Variants in ZNF551 observed in about 807,000 individuals in gnomAD.
The protein encoded by ZNF551 is KOX 23 protein (56 AA).
ZNF551 carries 5 observed loss-of-function variants against 7.9 expected under a neutral mutation model. That is an observed-to-expected ratio of 0.63 (90% CI 0.33 to 1.33). The LOEUF (loss-of-function observed/expected upper bound fraction) is 1.33, where lower values mean the gene tolerates loss of function less well. Ranked by LOEUF, ZNF551 falls within the 40% of genes most tolerant of loss-of-function variation. The probability of loss-of-function intolerance (pLI) is 0.05; values close to 1 mark genes in which losing one functional copy is unlikely to be tolerated. For synonymous variants in ZNF551, 287 were observed against 277.3 expected, an observed-to-expected ratio of 1.03 and a Z score of -0.35; for missense variants, 788 against 825.2, an observed-to-expected ratio of 0.95 and a Z score of 0.55.
rs767545385 is a variant in ZNF551, at chr19:57,687,454, CTG to C, written c.1182_1183del (p.Cys394Ter). On this transcript the variant is annotated frameshift_variant, in exon 3 of 3. Coordinates refer to ENST00000282296, the MANE Select transcript of ZNF551 (RefSeq NM_138347.5). LOFTEE classifies it low-confidence loss of function (END_TRUNC). Reference sequence around the variant, plus strand: ...ACTCTGGAGAAAGGCCTTATCAGTGCTGTGAGTGTGGGAAATCCTTTAGACAA... The same window carrying C: ...ACTCTGGAGAAAGGCCTTATCAGTGCTGAGTGTGGGAAATCCTTTAGACAA... ...VHSGERPYQCCECGKSFRQIF... is the reference protein window; with the variant it reads ...VHSGERPYQCXECGKSFRQIF... 1.2e-6 allele frequency: 2 copies of C among 1,613,984 alleles called. No individual in the cohort carries two copies. Among genetic ancestry groups the C allele is most frequent in the Non-Finnish European group, 8.5e-7 (1 of 1,179,986 alleles).
At position 57,689,866 on chromosome 19, in the gene ZNF551, C is replaced by G. The variant is rs1984709068; in HGVS notation, c.*1578C>G. 1 of 152,056 alleles carries G rather than the reference C, an allele frequency of 6.6e-6. No homozygotes were observed. Among genetic ancestry groups the G allele is most frequent in the African/African-American group, 2.4e-5 (1 of 41,396 alleles). 9.4% of individuals were successfully genotyped at this position (152,056 alleles called of 1,614,324 possible). A position where few individuals can be genotyped will look rare whatever the true frequency, so the allele number is the denominator to read the frequency against. ...CTTGTATCCTGTCTGGGCTGTTCAC[C>G]TCAAGGCCATTGCTATGCAGGTAGG... is the stretch of plus-strand genomic sequence containing the variant. On this transcript the variant is annotated 3_prime_UTR_variant, in exon 3 of 3. Coordinates refer to ENST00000282296, the MANE Select transcript of ZNF551 (RefSeq NM_138347.5).
rs1272941310 is a variant in ZNF551, at chr19:57,688,328, G to A, written c.*40G>A. ...TGCTATTTCTTTATTCAGTATAATA[G>A]CACTGGAGGAGACTGTGGTAGCCAT... On this transcript the variant is annotated 3_prime_UTR_variant, in exon 3 of 3. Transcript: ENST00000282296. 6.3e-7 allele frequency: 1 copy of A among 1,589,232 alleles called. No individual in the cohort carries two copies. The highest frequency in any genetic ancestry group is 1.1e-5 in the South Asian group (1 of 87,898).
At chr19:57,685,026 T>C (rs373281668) in intron 1 of ZNF551, among the ~76,000 whole-genome samples, 8 of 152,218 alleles carry the variant, frequency 5.3e-5, no homozygotes, top group Admixed American at 3.3e-4. Context: ...TAACGAGAGG[T>C]ATAGCCTACC....
In ZNF551 at chr19:57,688,298, G is replaced by C. The variant is rs915442401; in HGVS notation, c.*10G>C. On this transcript the variant is annotated 3_prime_UTR_variant, in exon 3 of 3. Transcript: ENST00000282296. ...TGAAGAAAGGCCTTAAATGTGAAGG[G>C]AATGTGCTATTTCTTTATTCAGTAT... 52 of 1,611,090 alleles carry C rather than the reference G, an allele frequency of 3.2e-5. No homozygotes were observed. Among genetic ancestry groups the C allele is most frequent in the Non-Finnish European group, 4.4e-5 (52 of 1,177,954 alleles).
rs1160270288 is a variant in ZNF551, at chr19:57,688,149, C to G, written c.1874C>G (p.Thr625Ser). Residue 625 changes from threonine to serine, a missense_variant, in exon 3 of 3, where the codon ACC becomes AGC. By Grantham distance (58) the Thr-to-Ser change is moderately conservative. Coordinates refer to ENST00000282296, the MANE Select transcript of ZNF551 (RefSeq NM_138347.5). ...TGCAGTCAATGTGGGAAACCCTTTA[C>G]CCACAAATCAGACCTTATTCAGCAC... ...YECSQCGKPF[T>S]HKSDLIQHQR... 1 of 1,612,276 alleles carries G rather than the reference C, an allele frequency of 6.2e-7. No homozygotes were observed. Among genetic ancestry groups the G allele is most frequent in the Non-Finnish European group, 8.5e-7 (1 of 1,179,566 alleles).
In ZNF551 at chr19:57,685,300, A is replaced by G. The variant is rs1340008089; in HGVS notation, c.120A>G (p.Gln40=). ...AGGATGTGGCCATTTATTTCTCCCA[A>G]GAAGAGTGGGAGCTCCTTGATGAGT... The part of the protein sequence containing the change: ...TFEDVAIYFS[Q]EEWELLDESQ... The change falls in exon 2 of 3, where the codon CAA becomes CAG. Residue 40 remains glutamine, a synonymous_variant. Coordinates refer to ENST00000282296, the MANE Select transcript of ZNF551 (RefSeq NM_138347.5). 1 of 1,613,902 alleles carries G rather than the reference A, an allele frequency of 6.2e-7. No individual in the cohort carries two copies. The highest frequency in any genetic ancestry group is 8.5e-7 in the Non-Finnish European group (1 of 1,179,940).
Position 57,689,331 on chromosome 19 carries a change from A to C in ZNF551, c.*1043A>C, listed in dbSNP as rs1435837702. 6.6e-6 allele frequency: 1 copy of C among 152,202 alleles called. No individual in the cohort carries two copies. Among genetic ancestry groups the C allele is most frequent in the Non-Finnish European group, 1.5e-5 (1 of 68,036 alleles). 9.4% of individuals were successfully genotyped at this position (152,202 alleles called of 1,614,324 possible). On this transcript the variant is annotated 3_prime_UTR_variant, in exon 3 of 3. Coordinates refer to ENST00000282296, the MANE Select transcript of ZNF551 (RefSeq NM_138347.5). ...AGACTATAGGTGTGGAGGTGAAATT[A>C]CAGGTTCAACAGTAATTGGGACAGA... is the stretch of plus-strand genomic sequence containing the variant.
At chr19:57,683,183 G>A (rs1049796213) in intron 1 of ZNF551, among the ~76,000 whole-genome samples, 14 of 152,304 alleles carry the variant, frequency 9.2e-5, no homozygotes, top group Middle Eastern at 6.8e-3. Context: ...GGATGAGGTG[G>A]GGAGACCTGG....
rs1056290321 is a variant in ZNF551, at chr19:57,688,542, C to G, written c.*254C>G. The G allele has an allele frequency of 1.7e-5, 9 of 534,512 alleles. No homozygotes were observed. The highest frequency in any genetic ancestry group is 3.8e-5 in the African/African-American group (2 of 52,816). 33.1% of individuals were successfully genotyped at this position (534,512 alleles called of 1,614,324 possible). On this transcript the variant is annotated 3_prime_UTR_variant, in exon 3 of 3. Coordinates refer to ENST00000282296, the MANE Select transcript of ZNF551 (RefSeq NM_138347.5). ...CCCCTACCACCTGGCAGGTGCACAC[C>G]ATGTGCATGAGTCACTTCCCCACAG...
rs1233729460 is a variant in ZNF551, at chr19:57,690,280, A to G, written c.*1992A>G. 6.6e-6 allele frequency: 1 copy of G among 152,126 alleles called. No homozygotes were observed. Among genetic ancestry groups the G allele is most frequent in the Non-Finnish European group, 1.5e-5 (1 of 68,030 alleles). 9.4% of individuals were successfully genotyped at this position (152,126 alleles called of 1,614,324 possible). On this transcript the variant is annotated 3_prime_UTR_variant, in exon 3 of 3. Coordinates refer to ENST00000282296, the MANE Select transcript of ZNF551 (RefSeq NM_138347.5). ...CCATATATTTACCTTGTATCTTTTT[A>G]TAATCTTTCTCCCTTCCCCAGCTCT...
Position 57,688,369 on chromosome 19 carries a change from CTT to C in ZNF551, c.*83_*84del. ...TGGTAGCCATCTTCGTAAATTTAAACTTTGAGCACCCACAGTGGGGTATTCTT... is the reference window on the plus strand; with the variant it reads ...TGGTAGCCATCTTCGTAAATTTAAACTGAGCACCCACAGTGGGGTATTCTT... On this transcript the variant is annotated 3_prime_UTR_variant, in exon 3 of 3. Transcript: ENST00000282296. 2.6e-6 allele frequency: 4 copies of C among 1,530,702 alleles called. No homozygotes were observed. The highest frequency in any genetic ancestry group is 3.5e-6 in the Non-Finnish European group (4 of 1,136,050). 94.8% of individuals were successfully genotyped at this position (1,530,702 alleles called of 1,614,324 possible).
At position 57,687,148 on chromosome 19, in the gene ZNF551, G is replaced by A; in HGVS notation, c.873G>A (p.Lys291=). 2 of 1,614,206 alleles carry A rather than the reference G, an allele frequency of 1.2e-6. No individual in the cohort carries two copies. Among genetic ancestry groups the A allele is most frequent in the Non-Finnish European group, 1.7e-6 (2 of 1,180,044 alleles). The change falls in exon 3 of 3, where the codon AAG becomes AAA. Residue 291 remains lysine (K), a synonymous_variant. Coordinates refer to ENST00000282296, the MANE Select transcript of ZNF551 (RefSeq NM_138347.5). The part of the protein sequence containing the change: ...CSECEESFSK[K]CHLILHKIIH... ...AATGTGAGGAATCCTTTAGCAAAAA[G>A]TGCCACCTAATCTTACACAAGATAA...
rs1210725165 is a variant in ZNF551 at position 57,690,384 on chromosome 19, CACACACACACACACACACGTAT to C, written c.*2099_*2120del. 6.6e-6 allele frequency: 1 copy of C among 151,648 alleles called. No individual in the cohort carries two copies. The highest frequency in any genetic ancestry group is 6.6e-5 in the Admixed American group (1 of 15,210). The allele number at this position is 151,648 out of a possible 1,614,324, so 9.4% of individuals were successfully genotyped here. On this transcript the variant is annotated 3_prime_UTR_variant, in exon 3 of 3. Transcript: ENST00000282296. The stretch of plus-strand genomic sequence containing the variant: ...TTACTGAGATACATACACACACACA[CACACACACACACACACACGTAT>C]ACGCATATACGTATACGTATATATA...
rs756247357 is a variant in ZNF551, at chr19:57,687,248, C to T, written c.973C>T (p.His325Tyr). The T allele has an allele frequency of 6.8e-6, 11 of 1,613,996 alleles. No homozygotes were observed. The highest frequency in any genetic ancestry group is 5.0e-5 in the Admixed American group (3 of 59,990). ...AFIHKSEFIH[H>Y]QRRHTGGVRH... ...TATCCATAAATCTGAATTCATTCAC[C>T]ACCAGAGACGTCACACTGGAGGAGT... The change falls in exon 3 of 3, where the codon CAC becomes TAC. Residue 325 changes from histidine (H) to tyrosine (Y), a missense_variant. Transcript: ENST00000282296.
Position 57,688,255 on chromosome 19 carries a change from A to T in ZNF551, c.1980A>T (p.Arg660=), listed in dbSNP as rs755004666. Residue 660 remains arginine, a synonymous_variant, in exon 3 of 3, where the codon CGA becomes CGT. Coordinates refer to ENST00000282296, the MANE Select transcript of ZNF551 (RefSeq NM_138347.5). ...KSFSRKSNLI[R]HRRVHTEERP is the part of the protein sequence containing the mutation. ...TTAGCCGCAAATCTAACCTCATTCG[A>T]CATCGGAGAGTTCACACTGAAGAAA... 6.2e-7 allele frequency: 1 copy of T among 1,614,242 alleles called. No individual in the cohort carries two copies. The highest frequency in any genetic ancestry group is 8.5e-7 in the Non-Finnish European group (1 of 1,180,020).
In ZNF551 at chr19:57,687,192, C is replaced by T; in HGVS notation, c.917C>T (p.Pro306Leu). ...AAGATAATTCACACTGGAGAAAGGC[C>T]TTATGAATGCAGTGATCGTGAGAAA... ...LHKIIHTGERPYECSDREKAF... is the reference protein window; with the variant it reads ...LHKIIHTGERLYECSDREKAF... The change falls in exon 3 of 3, where the codon CCT becomes CTT. Residue 306 changes from proline to leucine, a missense_variant. Pro to Leu is a moderately conservative substitution (Grantham distance 98, BLOSUM62 -3). Transcript: ENST00000282296. 6 of 1,614,204 alleles carry T rather than the reference C, an allele frequency of 3.7e-6. No individual in the cohort carries two copies. The highest frequency in any genetic ancestry group is 5.1e-6 in the Non-Finnish European group (6 of 1,180,038).
rs1305044134 is a variant in ZNF551, at chr19:57,682,181, C to T, written c.18C>T (p.Gly6=). The T allele has an allele frequency of 6.5e-6, 10 of 1,549,006 alleles. No homozygotes were observed. Among genetic ancestry groups the T allele is most frequent in the Non-Finnish European group, 8.7e-6 (10 of 1,146,784 alleles). Residue 6 remains glycine (G), a synonymous_variant, in exon 1 of 3, where the codon GGC becomes GGT. Transcript: ENST00000282296. MPAPV[G]RRSPPSPRSS... is the part of the protein sequence containing the mutation. ...GTGTTCGAATGCCCGCCCCGGTCGGCCGCCGCTCCCCGCCTAGTCCACGGA... is the reference window on the plus strand; with the variant it reads ...GTGTTCGAATGCCCGCCCCGGTCGGTCGCCGCTCCCCGCCTAGTCCACGGA...
In ZNF551 at chr19:57,682,193, G is replaced by T; in HGVS notation, c.30G>T (p.Pro10=). Reference sequence around the variant, plus strand: ...CCGCCCCGGTCGGCCGCCGCTCCCCGCCTAGTCCACGGAGCTCAATGGCGG... The same window carrying T: ...CCGCCCCGGTCGGCCGCCGCTCCCCTCCTAGTCCACGGAGCTCAATGGCGG... MPAPVGRRS[P]PSPRSSMAAV... Residue 10 remains proline, a synonymous_variant, in exon 1 of 3, where the codon CCG becomes CCT. Transcript: ENST00000282296. 3 of 1,549,908 alleles carry T rather than the reference G, an allele frequency of 1.9e-6. No homozygotes were observed. Among genetic ancestry groups the T allele is most frequent in the East Asian group, 2.4e-5 (1 of 40,904 alleles).
rs1014106808 is a variant in ZNF551, at chr19:57,682,225, C to G, written c.62C>G (p.Ala21Gly). The G allele has an allele frequency of 3.2e-6, 5 of 1,550,372 alleles. No individual in the cohort carries two copies. In the African/African-American group the frequency reaches 4.1e-5, roughly 13 times the overall value. Reference protein sequence around the residue: ...PSPRSSMAAVALRDSAQGMTF... With the variant: ...PSPRSSMAAVGLRDSAQGMTF... ...CCACGGAGCTCAATGGCGGCAGTCG[C>G]GCTGAGGGACTCGGCTCAGGTGAGT... is the stretch of plus-strand genomic sequence containing the variant. The change falls in exon 1 of 3, where the codon GCG becomes GGG. Residue 21 changes from alanine to glycine, a missense_variant. By Grantham distance (60) the Ala-to-Gly change is moderately conservative (BLOSUM62 0). Coordinates refer to ENST00000282296, the MANE Select transcript of ZNF551 (RefSeq NM_138347.5).
Sources: gnomAD v4.1 joint callset for allele counts (sites outside exome capture counted in the v4.1 genomes callset) on GRCh38, gnomAD v4.1.1 for gene constraint, MANE v1.5 for transcripts, NCBI Gene and HGNC (gene_info 2026-07-23, HGNC 2026-07-21) for gene names.